NTN1: variants seen among roughly 807,000 people sequenced by gnomAD.
NTN1 encodes netrin-1.
NTN1 carries 11 observed loss-of-function variants against 54.2 expected under a neutral mutation model. That is an observed-to-expected ratio of 0.20 (90% CI 0.13 to 0.34). The LOEUF is 0.34. Ranked by LOEUF, NTN1 falls within the 10% of genes least tolerant of loss-of-function variation. NTN1 has a pLI of 1.00. For missense variants in NTN1, 740 were observed against 893.1 expected (o/e 0.83, Z 2.18); for synonymous variants, 371 against 382.0 (o/e 0.97, Z 0.33).
chr17:9,197,630 G>A (rs4791818), intron 5 of NTN1, among the ~76,000 whole-genome samples: 98,788 of 148,492 alleles, frequency 0.67, 34,438 homozygotes, highest in East Asian at 0.85. Flanking sequence ...ACTGCACTCC[G>A]GCCTGGGTGA....
rs1282016209 is a variant in NTN1 at position 9,228,143 on chromosome 17, G to A, written c.1486+6901G>A. On this transcript the variant is annotated intron_variant, in intron 6 of 6. Transcript: ENST00000173229. ...CATACAGACAAGGGCCACAGAAGGA[G>A]GGGGTGTGGCCGGGTTGCAGCCTGA... Among the ~76,000 whole-genome samples the A allele has an allele frequency of 2.0e-5, 3 of 152,196 alleles. No individual in the cohort carries two copies. In the South Asian group the frequency reaches 6.2e-4, roughly 31 times the overall value.
intron 5 of NTN1, among the ~76,000 whole-genome samples, chr17:9,215,768 A>G (rs988512936): frequency 1.3e-5 from 2 of 151,958 alleles, no homozygotes. Context: ...CTGGTATTTC[A>G]TATGTTTTGC....
At chr17:9,182,729 C>T (rs2092422184) in intron 4 of NTN1, among the ~76,000 whole-genome samples, 187 bp from the exon 5 acceptor site, 1 of 152,208 alleles carries the variant, frequency 6.6e-6, no homozygotes, top group Admixed American at 6.5e-5. Context: ...ACGCCACGTG[C>T]CCAGGATGCC....
At chr17:9,068,512 A>ATC (rs71361856) in intron 2 of NTN1, among the ~76,000 whole-genome samples, 2 of 141,194 alleles carry the variant, frequency 1.4e-5, no homozygotes, top group African/African-American at 5.3e-5. Context: ...GTATGTGTGA[A>ATC]TTTTTTTTTT....
intron 5 of NTN1, among the ~76,000 whole-genome samples, chr17:9,193,734 C>A (rs1273537090): frequency 2.0e-5 from 3 of 151,296 alleles, no homozygotes; most frequent in Admixed American, 2.0e-4. Flanking sequence ...ACCAGCCTGA[C>A]CAACATGGAG....
At chr17:9,057,146 C>T (rs1030235118) in intron 2 of NTN1, among the ~76,000 whole-genome samples, 12 of 151,594 alleles carry the variant, frequency 7.9e-5, no homozygotes, top group Non-Finnish European at 1.2e-4. Flanking sequence ...CCCCTCACCC[C>T]GCAGAGCCCT....
intron 6 of NTN1, among the ~76,000 whole-genome samples, chr17:9,231,298 G>GGT: frequency 9.6e-6 from 1 of 104,458 alleles, no homozygotes; most frequent in East Asian, 2.7e-4. Context: ...GGGTACCCGG[G>GGT]GGGGGACCCC....
Position 9,219,931 on chromosome 17 carries a change from C to T in NTN1, c.1412-1237C>T, listed in dbSNP as rs1039892524. ...ACACACCCAGCCAACTTCCATCAAC[C>T]CATGCCACCACTGCTTCTAGAACAG... On this transcript the variant is annotated intron_variant, in intron 5 of 6. Coordinates refer to ENST00000173229, the MANE Select transcript of NTN1 (RefSeq NM_004822.3). This position sits in a 1 kb window ranked among gnomAD's most constrained non-coding sequence, Gnocchi z 4.5. Among the ~76,000 whole-genome samples, 3 of 152,242 alleles carry T rather than the reference C, an allele frequency of 2.0e-5. No individual in the cohort carries two copies. Among genetic ancestry groups the T allele is most frequent in the Non-Finnish European group, 2.9e-5 (2 of 68,042 alleles).
At chr17:9,151,373 G>A (rs141706912) in intron 2 of NTN1, among the ~76,000 whole-genome samples, 198 of 152,210 alleles carry the variant, frequency 1.3e-3, no homozygotes, top group African/African-American at 4.6e-3. Flanking sequence ...ACTTATCTCC[G>A]GGGACTTTAT....
At chr17:9,066,859 G>A (rs929937254) in intron 2 of NTN1, among the ~76,000 whole-genome samples, 6 of 151,802 alleles carry the variant, frequency 4.0e-5, no homozygotes, top group African/African-American at 7.3e-5. Context: ...AAATTAACTG[G>A]GCATGTTGGC....
chr17:9,148,016 G>A (rs1228764316), intron 2 of NTN1, among the ~76,000 whole-genome samples: 1 of 152,162 alleles, frequency 6.6e-6, no homozygotes, highest in Non-Finnish European at 1.5e-5. Context: ...ACTGGAGTGT[G>A]ATTGGTTCCA....
chr17:9,146,061 G>C (rs1382197391), intron 2 of NTN1, among the ~76,000 whole-genome samples: 2 of 152,188 alleles, frequency 1.3e-5, no homozygotes, highest in Non-Finnish European at 2.9e-5. Context: ...AGCTGTCTAG[G>C]GTTTGGGAGA....
chr17:9,022,379 G>A lies in NTN1; in HGVS notation c.6G>A (p.Met2Ile). The A allele has an allele frequency of 6.1e-6, 8 of 1,313,938 alleles. No individual in the cohort carries two copies. The highest frequency in any genetic ancestry group is 7.7e-6 in the Non-Finnish European group (8 of 1,040,576). 81.4% of individuals were successfully genotyped at this position (1,313,938 alleles called of 1,614,324 possible). A position where few individuals can be genotyped will look rare whatever the true frequency, so the allele number is the denominator to read the frequency against. The change falls in exon 2 of 7, where the codon ATG becomes ATA. Residue 2 changes from methionine to isoleucine, a missense_variant. By Grantham distance (10) the Met-to-Ile change is conservative. Transcript: ENST00000173229. MMRAVWEALAAL... is the reference protein window; with the variant it reads MIRAVWEALAAL... ...CGGGGCAAGCTGGACGCAGCATGAT[G>A]CGCGCAGTGTGGGAGGCGCTGGCGG...
intron 2 of NTN1, among the ~76,000 whole-genome samples, chr17:9,084,868 G>T (rs2092085309): frequency 6.6e-6 from 1 of 151,912 alleles, no homozygotes; most frequent in Non-Finnish European, 1.5e-5. Flanking sequence ...AGCCAGGATG[G>T]TCTCGATCTC....
chr17:9,038,563 G>T (rs931332576), intron 2 of NTN1, among the ~76,000 whole-genome samples: 2 of 151,988 alleles, frequency 1.3e-5, no homozygotes, highest in Non-Finnish European at 2.9e-5. Flanking sequence ...CCTTATCTCC[G>T]GTCTGTGTGT....
chr17:9,200,972 T>A (rs537725386), intron 5 of NTN1, among the ~76,000 whole-genome samples: 3 of 152,076 alleles, frequency 2.0e-5, no homozygotes, highest in East Asian at 3.9e-4. Context: ...AAGCCTCAAG[T>A]CCAACAAGGT....
intron 6 of NTN1, among the ~76,000 whole-genome samples, chr17:9,229,102 G>T (rs748544491): frequency 4.0e-4 from 1 of 2,520 alleles, no homozygotes. Context: ...CTGAGACTGT[G>T]ACTGTGAGTG....
Position 9,239,802 on chromosome 17 carries a change from A to T in NTN1, c.1649A>T (p.Lys550Met). ...RDIACKCPKI[K>M]PLKKYLLLGN... Reference sequence around the variant, plus strand: ...ATCGCCTGCAAGTGTCCCAAAATCAAGCCCCTCAAGAAGTACCTGCTGCTG... The same window carrying T: ...ATCGCCTGCAAGTGTCCCAAAATCATGCCCCTCAAGAAGTACCTGCTGCTG... The change falls in exon 7 of 7, where the codon AAG becomes ATG. Residue 550 changes from lysine (K) to methionine (M), a missense_variant. Transcript: ENST00000173229. This position sits in a 1 kb window ranked among gnomAD's most constrained non-coding sequence, Gnocchi z 5.2. 6.2e-7 allele frequency: 1 copy of T among 1,613,706 alleles called. No homozygotes were observed. The highest frequency in any genetic ancestry group is 8.5e-7 in the Non-Finnish European group (1 of 1,180,018).
intron 2 of NTN1, among the ~76,000 whole-genome samples, chr17:9,121,708 A>G (rs927518064): frequency 5.3e-5 from 8 of 152,278 alleles, no homozygotes; most frequent in African/African-American, 1.7e-4. Flanking sequence ...GCCCCAGCCC[A>G]GGGGTGGCAG....
Sources: allele counts gnomAD v4.1 joint callset (sites outside exome capture counted in the v4.1 genomes callset), GRCh38; gene constraint gnomAD v4.1.1; non-coding constraint Gnocchi (gnomAD v3.1); transcripts MANE v1.5; gene names NCBI Gene and HGNC (gene_info 2026-07-23, HGNC 2026-07-21).